The following ZC3H12B variants were observed in gnomAD, a reference collection of about 807,000 sequenced individuals.
ZC3H12B encodes zinc finger CCCH-type containing 12B.
ZC3H12B carries 7 observed loss-of-function variants against 43.9 expected under a neutral mutation model. That is an observed-to-expected ratio of 0.16 (90% CI 0.09 to 0.30). The LOEUF (loss-of-function observed/expected upper bound fraction) is 0.30. Among genes scored for constraint, ZC3H12B ranks in the 10% least tolerant of loss-of-function variants. The pLI is 1.00. For synonymous variants in ZC3H12B, 222 were observed against 241.7 expected (o/e 0.92, Z 0.76); for missense variants, 475 against 670.2 (o/e 0.71, Z 3.22).
intron 2 of ZC3H12B, among the ~76,000 whole-genome samples, chrX:65,391,513 G>C (rs144924700): frequency 9.0e-6 from 1 of 111,124 alleles, no homozygotes; most frequent in Non-Finnish European, 1.9e-5. Context: ...AATGATGTCA[G>C]GTCCCTGGTT....
the ZC3H12B span, among the ~76,000 whole-genome samples, chrX:65,242,279 C>T: frequency 7.2e-5 from 8 of 111,562 alleles, no homozygotes; most frequent in Non-Finnish European, 1.3e-4. Flanking sequence ...GTGAGAGCTG[C>T]GGACGGCAAT....
At chrX:65,264,420 G>A in the ZC3H12B span, among the ~76,000 whole-genome samples, 8 of 111,801 alleles carry the variant, frequency 7.2e-5, no homozygotes, top group African/African-American at 2.3e-4. Flanking sequence ...ATTTGTCATT[G>A]CTTTAAATTT....
intron 3 of ZC3H12B, among the ~76,000 whole-genome samples, chrX:65,416,049 T>G (rs1189144451): frequency 8.9e-6 from 1 of 111,850 alleles, no homozygotes; most frequent in Non-Finnish European, 1.9e-5. Flanking sequence ...TATACCTTCT[T>G]AAACAGTAGT....
intron 2 of ZC3H12B, among the ~76,000 whole-genome samples, chrX:65,392,640 C>G (rs2066639781): frequency 9.0e-6 from 1 of 111,522 alleles, no homozygotes; most frequent in African/African-American, 3.3e-5. Context: ...TGGGGGGCGC[C>G]TCTGCCCGGC....
At chrX:65,166,036 TTTTCTTTC>T in the ZC3H12B span, among the ~76,000 whole-genome samples, 10 of 110,759 alleles carry the variant, frequency 9.0e-5, 1 homozygote, top group African/African-American at 2.0e-4. Flanking sequence ...TTGTATTTCT[TTTTCTTTC>T]TTTCTTTCTT....
chrX:65,484,521 T>A, upstream of ZC3H12B, among the ~76,000 whole-genome samples: 1 of 112,090 alleles, frequency 8.9e-6, no homozygotes, highest in Non-Finnish European at 1.9e-5. Context: ...GTATATTTTC[T>A]TTGAGAATGC....
chrX:65,342,438 A>G, the ZC3H12B span, among the ~76,000 whole-genome samples: 37 of 112,417 alleles, frequency 3.3e-4, no homozygotes, highest in South Asian at 0.013. Context: ...AATGAAAAAG[A>G]ACTGAAATCA....
the ZC3H12B span, among the ~76,000 whole-genome samples, chrX:65,169,073 T>C: frequency 5.4e-5 from 6 of 111,759 alleles, no homozygotes; most frequent in African/African-American, 1.6e-4. Flanking sequence ...TGCCTTCTGC[T>C]AGCTTTTGAA....
intron 3 of ZC3H12B, among the ~76,000 whole-genome samples, chrX:65,468,672 G>GT (rs2067861388): frequency 2.9e-5 from 1 of 34,841 alleles, no homozygotes; most frequent in African/African-American, 1.4e-4. Context: ...TTTTTTTTTT[G>GT]TATTTTTAGT....
At chrX:65,259,303 A>G in the ZC3H12B span, among the ~76,000 whole-genome samples, 1 of 112,273 alleles carries the variant, frequency 8.9e-6, no homozygotes, top group Non-Finnish European at 1.9e-5. Context: ...AATGAAAACA[A>G]GCAATGAGGA....
chrX:65,295,544 T>A, the ZC3H12B span, among the ~76,000 whole-genome samples: 7 of 107,958 alleles, frequency 6.5e-5, no homozygotes, highest in African/African-American at 2.0e-4. Context: ...AGAAGAAGAG[T>A]CATAACACAG....
At chrX:65,416,786 C>CAA (rs57825587) in intron 3 of ZC3H12B, among the ~76,000 whole-genome samples, 1 of 82,782 alleles carries the variant, frequency 1.2e-5, no homozygotes. Context: ...GAGACTCCGT[C>CAA]AAAAAAAAAA....
chrX:65,462,275 C>T (rs2067760987), intron 3 of ZC3H12B, among the ~76,000 whole-genome samples: 1 of 111,048 alleles, frequency 9.0e-6, no homozygotes, highest in Admixed American at 9.6e-5. Flanking sequence ...CTTTGGGAGG[C>T]CAGGGCGGGT....
At chrX:65,466,943 T>C (rs868477280) in intron 3 of ZC3H12B, among the ~76,000 whole-genome samples, 1 of 54,779 alleles carries the variant, frequency 1.8e-5, no homozygotes, top group African/African-American at 9.2e-5. Context: ...TATATATATA[T>C]ATATATATAT....
At chrX:65,179,321 G>A in the ZC3H12B span, among the ~76,000 whole-genome samples, 1 of 109,593 alleles carries the variant, frequency 9.1e-6, no homozygotes, top group African/African-American at 3.3e-5. Flanking sequence ...ACGGGTTGAT[G>A]GTTGCAGCAC....
At chrX:65,361,887 C>T (rs1057227040), upstream of ZC3H12B, among the ~76,000 whole-genome samples, 7 of 112,248 alleles carry the variant, frequency 6.2e-5, no homozygotes, top group Non-Finnish European at 1.3e-4. Flanking sequence ...GCCTCCACTG[C>T]GAGACAAACC....
the ZC3H12B span, among the ~76,000 whole-genome samples, chrX:65,123,729 CTTTT>C: frequency 3.5e-4 from 25 of 71,580 alleles, no homozygotes; most frequent in African/African-American, 9.0e-4. Context: ...GTTGTTGTTT[CTTTT>C]TTTTTTTTTT....
the ZC3H12B span, among the ~76,000 whole-genome samples, chrX:65,169,128 G>A: frequency 2.8e-4 from 31 of 110,590 alleles, no homozygotes; most frequent in African/African-American, 9.5e-4. Flanking sequence ...GTGATGTTAG[G>A]GTGTCAATTT....
At chrX:65,113,727 C>T in the ZC3H12B span, among the ~76,000 whole-genome samples, 10 of 109,276 alleles carry the variant, frequency 9.2e-5, no homozygotes, top group Non-Finnish European at 1.3e-4. Flanking sequence ...CTGTCAACAT[C>T]GAGGAAAGAC....
Sources: gnomAD v4.1 joint callset for allele counts (sites outside exome capture counted in the v4.1 genomes callset) on GRCh38, gnomAD v4.1.1 for gene constraint, MANE v1.5 for transcripts, NCBI Gene and HGNC (gene_info 2026-07-23, HGNC 2026-07-21) for gene names.